The following GRM3 variants were observed in gnomAD, a reference collection of about 807,000 sequenced individuals.
GRM3 encodes metabotropic glutamate receptor 3.
GRM3 carries 26 observed loss-of-function variants against 70.5 expected under a neutral mutation model. That is an observed-to-expected ratio of 0.37 (90% confidence interval 0.27 to 0.51). GRM3 has a LOEUF of 0.51. Ranked by LOEUF, GRM3 falls within the 20% of genes least tolerant of loss-of-function variation. GRM3 has a pLI of 0.93. For missense variants in GRM3, 859 were observed against 1,123.8 expected (o/e 0.76, Z 3.37); for synonymous variants, 443 against 434.9 (o/e 1.02, Z -0.23).
At chr7:86,652,522 G>A (rs1217345562) in intron 1 of GRM3, among the ~76,000 whole-genome samples, 1 of 152,092 alleles carries the variant, frequency 6.6e-6, no homozygotes, top group Non-Finnish European at 1.5e-5. Flanking sequence ...GTAGAGATGG[G>A]GTTTCACCGT....
chr7:86,783,304 G>A (rs951451237), intron 2 of GRM3, among the ~76,000 whole-genome samples: 8 of 152,310 alleles, frequency 5.3e-5, no homozygotes, highest in East Asian at 1.9e-4. Flanking sequence ...TAGTCACACA[G>A]TAGAAGGTAG....
intron 2 of GRM3, among the ~76,000 whole-genome samples, chr7:86,778,310 T>C (rs893077710): frequency 6.6e-6 from 1 of 152,216 alleles, no homozygotes; most frequent in Non-Finnish European, 1.5e-5. Context: ...TATTGTTCCC[T>C]TTAATGTATT....
chr7:86,744,892 G>A (rs1209570134), intron 1 of GRM3, among the ~76,000 whole-genome samples: 1 of 151,928 alleles, frequency 6.6e-6, no homozygotes, highest in African/African-American at 2.4e-5. Flanking sequence ...GCAGACATGG[G>A]CTTTCCTTTG....
intron 3 of GRM3, among the ~76,000 whole-genome samples, chr7:86,799,524 T>A (rs985361066): frequency 1.3e-5 from 2 of 152,066 alleles, no homozygotes; most frequent in East Asian, 1.9e-4. Flanking sequence ...GTATGTTCCA[T>A]CAATACCTAG....
chr7:86,773,913 C>T (rs1796810879), intron 2 of GRM3, among the ~76,000 whole-genome samples: 1 of 151,992 alleles, frequency 6.6e-6, no homozygotes, highest in Non-Finnish European at 1.5e-5. Context: ...AAGAAGTTGC[C>T]GTCAGGACCA....
At chr7:86,803,046 T>C (rs1052423259) in intron 3 of GRM3, among the ~76,000 whole-genome samples, 6 of 152,166 alleles carry the variant, frequency 3.9e-5, no homozygotes, top group African/African-American at 9.7e-5. Context: ...AAAATCTTTA[T>C]CTCTAAAATG....
chr7:86,691,595 AAC>A (rs1794698388), intron 1 of GRM3, among the ~76,000 whole-genome samples: 1 of 152,186 alleles, frequency 6.6e-6, no homozygotes, highest in Admixed American at 6.5e-5. Flanking sequence ...CCCCCAAAGC[AAC>A]AGTGTTGGGA....
At chr7:86,647,981 A>G (rs945688264) in intron 1 of GRM3, among the ~76,000 whole-genome samples, 3 of 152,172 alleles carry the variant, frequency 2.0e-5, no homozygotes, top group Non-Finnish European at 4.4e-5. Flanking sequence ...TCCTGATTAT[A>G]TTTTATCTTG....
intron 5 of GRM3, among the ~76,000 whole-genome samples, chr7:86,853,116 T>C (rs1279008469): frequency 6.6e-6 from 1 of 152,164 alleles, no homozygotes; most frequent in Non-Finnish European, 1.5e-5. Flanking sequence ...GTGGTTTTCA[T>C]ACTGTAGACT....
chr7:86,648,085 C>G (rs773217118), intron 1 of GRM3, among the ~76,000 whole-genome samples: 3 of 152,160 alleles, frequency 2.0e-5, no homozygotes, highest in Non-Finnish European at 4.4e-5. Context: ...TTATAAAATA[C>G]AAAAGCTTCA....
At chr7:86,681,942 G>C (rs1209888571) in intron 1 of GRM3, among the ~76,000 whole-genome samples, 2 of 152,184 alleles carry the variant, frequency 1.3e-5, no homozygotes, top group Non-Finnish European at 2.9e-5. Flanking sequence ...AAGATTCACA[G>C]GTACTGACAA....
At chr7:86,710,011 C>T (rs1351570391) in intron 1 of GRM3, 3 of 152,012 alleles carry the variant, frequency 2.0e-5, no homozygotes, top group African/African-American at 7.2e-5. Flanking sequence ...AAAAATGGAG[C>T]TAGCATTTCA....
chr7:86,673,330 T>C (rs1040782671), intron 1 of GRM3, among the ~76,000 whole-genome samples: 1 of 152,160 alleles, frequency 6.6e-6, no homozygotes, highest in Non-Finnish European at 1.5e-5. Context: ...GGAAAACTAG[T>C]AACTATCGAG....
chr7:86,696,196 C>T (rs1410084043), intron 1 of GRM3, among the ~76,000 whole-genome samples: 6 of 152,200 alleles, frequency 3.9e-5, no homozygotes, highest in African/African-American at 7.2e-5. Context: ...TCCCCATAAT[C>T]TGCAATTGTT....
At chr7:86,681,354 T>C (rs561019483) in intron 1 of GRM3, among the ~76,000 whole-genome samples, 1 of 152,316 alleles carries the variant, frequency 6.6e-6, no homozygotes, top group South Asian at 2.1e-4. Context: ...TTAATTTTAA[T>C]ATGCCATCAG....
chr7:86,859,476 G>C (rs186583203), intron 5 of GRM3, among the ~76,000 whole-genome samples: 7 of 152,112 alleles, frequency 4.6e-5, no homozygotes. Flanking sequence ...CAATGACAAA[G>C]CAGGACACAA....
intron 1 of GRM3, among the ~76,000 whole-genome samples, chr7:86,669,858 A>C (rs2115895570): frequency 6.6e-6 from 1 of 152,294 alleles, no homozygotes; most frequent in East Asian, 1.9e-4. Flanking sequence ...ACTTAGTCTC[A>C]CAATCTATTT....
At chr7:86,658,168 C>CG (rs1410885537) in intron 1 of GRM3, among the ~76,000 whole-genome samples, 4 of 152,180 alleles carry the variant, frequency 2.6e-5, no homozygotes, top group African/African-American at 7.2e-5. Flanking sequence ...CCTTGACCTT[C>CG]GTCTTATACC....
At chr7:86,646,019 GAGGGA>G (rs1793463452) in intron 1 of GRM3, among the ~76,000 whole-genome samples, 3 of 40,950 alleles carry the variant, frequency 7.3e-5, no homozygotes, top group African/African-American at 3.0e-4. Context: ...GGGGGGGTGG[GAGGGA>G]GTTTAGGGGG....
Sources: allele counts gnomAD v4.1 joint callset (sites outside exome capture counted in the v4.1 genomes callset), GRCh38; gene constraint gnomAD v4.1.1; transcripts MANE v1.5; gene names NCBI Gene and HGNC (gene_info 2026-07-23, HGNC 2026-07-21).